The following PCSK5 variants were observed in gnomAD, a reference collection of about 807,000 sequenced individuals.
The protein encoded by PCSK5 is proprotein convertase subtilisin/kexin type 5.
Under a neutral mutation model 233.2 loss-of-function variants are expected in PCSK5, and 129 were observed. The observed-to-expected ratio is 0.55, with a 90% CI of 0.48 to 0.64. The LOEUF (loss-of-function observed/expected upper bound fraction) is 0.64. PCSK5 is among the 30% of genes least tolerant of loss of function. The pLI is 0.00. For missense variants in PCSK5, 2,076 were observed against 2,430.1 expected, an observed-to-expected ratio of 0.85 and a Z score of 3.06; for synonymous variants, 825 against 879.2, an observed-to-expected ratio of 0.94 and a Z score of 1.09.
chr9:76,224,907 T>G (rs1269613769), intron 20 of PCSK5, among the ~76,000 whole-genome samples: 2 of 152,226 alleles, frequency 1.3e-5, no homozygotes, highest in East Asian at 3.8e-4. Flanking sequence ...ATAAAGACTT[T>G]GAGCGCAGAC....
At position 76,332,538 on chromosome 9, in the gene PCSK5, G is replaced by A. The variant is rs150297354; in HGVS notation, c.4676G>A (p.Ser1559Asn). 6.2e-7 allele frequency: 1 copy of A among 1,612,552 alleles called. No homozygotes were observed. Among genetic ancestry groups the A allele is most frequent in the Non-Finnish European group, 8.5e-7 (1 of 1,179,698 alleles). The stretch of plus-strand genomic sequence containing the variant: ...TGCAGGACATGTGAAGGGAGACACA[G>A]CAGGCAGTGCCACTCCTGCCGACCG... Reference protein sequence around the residue: ...SSCRTCEGRHSRQCHSCRPGW... With the variant: ...SSCRTCEGRHNRQCHSCRPGW... The change falls in exon 34 of 38, where the codon AGC (serine) becomes AAC (asparagine). Residue 1559 changes from serine (S) to asparagine (N), a missense_variant. Physicochemically the swap from Ser to Asn is conservative, Grantham distance 46. Transcript: ENST00000674117.
At chr9:76,250,688 A>T (rs1004697961) in intron 24 of PCSK5, among the ~76,000 whole-genome samples, 1 of 152,174 alleles carries the variant, frequency 6.6e-6, no homozygotes, top group African/African-American at 2.4e-5. Flanking sequence ...GCCTAAGGAG[A>T]TATGATGAGT....
At chr9:76,052,096 C>T (rs539276242) in intron 5 of PCSK5, among the ~76,000 whole-genome samples, 2 of 152,248 alleles carry the variant, frequency 1.3e-5, no homozygotes, top group South Asian at 4.2e-4. Flanking sequence ...ATCTGGAGTA[C>T]TAACCAGGGA....
At chr9:76,290,649 G>C (rs1828249892) in intron 24 of PCSK5, among the ~76,000 whole-genome samples, 1 of 152,174 alleles carries the variant, frequency 6.6e-6, no homozygotes, top group African/African-American at 2.4e-5. Context: ...ACAGACACCT[G>C]TGTCCCCTAG....
At chr9:76,128,432 C>T (rs1822608662) in intron 9 of PCSK5, among the ~76,000 whole-genome samples, 1 of 152,160 alleles carries the variant, frequency 6.6e-6, no homozygotes, top group African/African-American at 2.4e-5. Context: ...CCTTCCTCCT[C>T]AAGTTCTATT....
intron 1 of PCSK5, among the ~76,000 whole-genome samples, chr9:75,914,843 A>G (rs1402760113): frequency 3.9e-5 from 6 of 152,216 alleles, no homozygotes; most frequent in East Asian, 1.9e-4. Flanking sequence ...TATATGGCAT[A>G]TAAGCAAATA....
chr9:76,022,118 G>T (rs1417335591), intron 3 of PCSK5, among the ~76,000 whole-genome samples: 2 of 152,172 alleles, frequency 1.3e-5, no homozygotes, highest in Non-Finnish European at 2.9e-5. Flanking sequence ...GGTGTACTCA[G>T]ATCCCTCAGC....
At chr9:76,266,178 C>G (rs759036995) in intron 24 of PCSK5, among the ~76,000 whole-genome samples, 3 of 152,148 alleles carry the variant, frequency 2.0e-5, no homozygotes, top group Non-Finnish European at 4.4e-5. Flanking sequence ...GTTTTACATG[C>G]TAAGTTCTTA....
intron 10 of PCSK5, among the ~76,000 whole-genome samples, chr9:76,142,240 C>T (rs1233397634): frequency 1.3e-5 from 2 of 151,746 alleles, no homozygotes; most frequent in Admixed American, 6.6e-5. Context: ...TTTCCATACT[C>T]ATTCACTTTT....
intron 24 of PCSK5, among the ~76,000 whole-genome samples, chr9:76,280,687 G>A (rs934644563): frequency 6.6e-6 from 1 of 152,008 alleles, no homozygotes; most frequent in Non-Finnish European, 1.5e-5. Context: ...AGTAAGCCAT[G>A]ATCACACCAC....
chr9:76,223,806 A>G (rs955524422), intron 20 of PCSK5, among the ~76,000 whole-genome samples: 4 of 152,210 alleles, frequency 2.6e-5, no homozygotes, highest in South Asian at 2.1e-4. Context: ...TGTCATAAAC[A>G]TTCAGCTTCA....
At position 76,196,770 on chromosome 9, in the gene PCSK5, C is replaced by T. The variant is rs529857582; in HGVS notation, c.2626+7024C>T. Among the ~76,000 whole-genome samples, 118 of 152,272 alleles carry T rather than the reference C, an allele frequency of 7.7e-4. 1 individual carries two copies. The highest frequency in any genetic ancestry group is 1.7e-3 in the Non-Finnish European group (113 of 68,016). On this transcript the variant is annotated intron_variant, in intron 20 of 37. Transcript: ENST00000674117. ...TGTTCTCTCTCAATTTTCAGAAGGA[C>T]TCCTCTAGAGGTGAATGTATTATCC...
intron 20 of PCSK5, chr9:76,194,435 G>C (rs1203224680): frequency 6.5e-6 from 1 of 153,290 alleles, no homozygotes; most frequent in African/African-American, 2.4e-5. Flanking sequence ...CTTATTAGAA[G>C]AAGTTTTTTC....
chr9:75,983,651 G>T (rs557321481), intron 2 of PCSK5, among the ~76,000 whole-genome samples: 1 of 152,274 alleles, frequency 6.6e-6, no homozygotes, highest in East Asian at 1.9e-4. Flanking sequence ...ATTGGAAATA[G>T]AACTTTCAAA....
chr9:76,251,715 GT>G lies in PCSK5; in HGVS notation c.3142+11037del, dbSNP rs532262258. Among the ~76,000 whole-genome samples the G allele has an allele frequency of 1.9e-3, 284 of 152,108 alleles. 6 individuals carry two copies. Among genetic ancestry groups the G allele is most frequent in the East Asian group, 3.9e-4 (2 of 5,186 alleles). On this transcript the variant is annotated intron_variant, in intron 24 of 37. Coordinates refer to ENST00000674117, the MANE Select transcript of PCSK5 (RefSeq NM_001372043.1). ...ACTAATGTGCCAGGTGCTGTACTAA[GT>G]TTTTTAAGTATATTACCTGACTTAA...
intron 20 of PCSK5, among the ~76,000 whole-genome samples, chr9:76,197,055 G>A (rs928197432): frequency 6.6e-6 from 1 of 152,206 alleles, no homozygotes; most frequent in African/African-American, 2.4e-5. Flanking sequence ...TACCTGGGAA[G>A]ACAGGAAGAG....
chr9:76,091,399 G>C (rs1017819729), intron 7 of PCSK5, among the ~76,000 whole-genome samples: 1 of 152,134 alleles, frequency 6.6e-6, no homozygotes, highest in Non-Finnish European at 1.5e-5. Context: ...CACCAGTCCT[G>C]TGCGGCCCCA....
chr9:76,337,568 G>A (rs1829712718), intron 34 of PCSK5, among the ~76,000 whole-genome samples: 1 of 152,102 alleles, frequency 6.6e-6, no homozygotes. Flanking sequence ...CCACCACCCA[G>A]GTTCAAACGA....
chr9:76,107,075 T>C (rs1296740600), intron 8 of PCSK5, among the ~76,000 whole-genome samples, 176 bp from the exon 9 acceptor site: 2 of 128,286 alleles, frequency 1.6e-5, no homozygotes, highest in African/African-American at 5.9e-5. Flanking sequence ...CTTTTCAGAG[T>C]TGATCTACAC....
Sources: gnomAD v4.1 joint callset for allele counts (sites outside exome capture counted in the v4.1 genomes callset) on GRCh38, gnomAD v4.1.1 for gene constraint, MANE v1.5 for transcripts, NCBI Gene and HGNC (gene_info 2026-07-23, HGNC 2026-07-21) for gene names.